ERMP1: variants seen among roughly 807,000 people sequenced by gnomAD.
ERMP1 encodes the protein endoplasmic reticulum metallopeptidase 1, also known as Felix-ina.
Under a neutral mutation model 92.0 loss-of-function variants are expected in ERMP1, and 86 were observed. That is an observed-to-expected ratio of 0.93 (90% CI 0.79 to 1.12). The LOEUF (loss-of-function observed/expected upper bound fraction) is 1.12, where lower values mean the gene tolerates loss of function less well. ERMP1 is among the 50% of genes most tolerant of loss of function. The pLI is 0.00. For missense variants in ERMP1, 1,342 were observed against 1,116.3 expected (o/e 1.20, Z -2.88); for synonymous variants, 530 against 412.8 (o/e 1.28, Z -3.44).
chr9:5,811,374 G>C (rs377390133), intron 6 of ERMP1, 51 bp from the exon 7 acceptor site: 1 of 1,401,498 alleles, frequency 7.1e-7, no homozygotes, highest in Non-Finnish European at 9.9e-7. Context: ...AGATAAAAAG[G>C]CTGAATAAAC....
At position 5,787,207 on chromosome 9, in the gene ERMP1, T is replaced by C. The variant is rs1389495497; in HGVS notation, c.2652A>G (p.Glu884=). The change falls in exon 15 of 15, where the codon GAA becomes GAG. Residue 884 remains glutamate (E), a synonymous_variant. Transcript: ENST00000339450. ...KRSPQLDALK[E]KFPDWTFPSA... Reference sequence around the variant, plus strand: ...AGGGAAATGTCCAATCTGGGAACTTTTCCTTCAGAGCATCCAGTTGAGGGG... The same window carrying C: ...AGGGAAATGTCCAATCTGGGAACTTCTCCTTCAGAGCATCCAGTTGAGGGG... 1.2e-6 allele frequency: 2 copies of C among 1,613,980 alleles called. No homozygotes were observed. Among genetic ancestry groups the C allele is most frequent in the African/African-American group, 1.3e-5 (1 of 74,906 alleles).
chr9:5,821,255 G>A (rs1248586048), intron 4 of ERMP1, among the ~76,000 whole-genome samples: 1 of 152,066 alleles, frequency 6.6e-6, no homozygotes, highest in African/African-American at 2.4e-5. Context: ...AATCAATTCT[G>A]GTCTTAAATT....
rs570635576 is a variant in ERMP1 at position 5,845,544 on chromosome 9, G to A, written n.3200-12232C>T. Among the ~76,000 whole-genome samples, 145 of 152,130 alleles carry A rather than the reference G, an allele frequency of 9.5e-4. 1 individual carries two copies. The Middle Eastern group carries it at 0.027, about 29-fold the overall frequency. On this transcript the variant is annotated intron_variant and non_coding_transcript_variant, in intron 6 of 6. Coordinates refer to the ERMP1 transcript ENST00000690753. ...TGATTGATTGATTGATTGATCGATC[G>A]ATAGATTATCTGGAGTTCTTCCAGC... is the stretch of plus-strand genomic sequence containing the variant.
chr9:5,853,574 G>T (rs72697335), intron 6 of ERMP1, among the ~76,000 whole-genome samples: 1 of 151,936 alleles, frequency 6.6e-6, no homozygotes, highest in Non-Finnish European at 1.5e-5. Flanking sequence ...ATGTGGTTTG[G>T]CCTGGAGAAA....
chr9:5,829,233 A>C (rs1829847232), intron 2 of ERMP1, among the ~76,000 whole-genome samples: 1 of 151,992 alleles, frequency 6.6e-6, no homozygotes, highest in Non-Finnish European at 1.5e-5. Flanking sequence ...AAAAAAAAAA[A>C]AAAAACACTA....
In ERMP1 at chr9:5,801,194, T is replaced by C. The variant is rs745305624; in HGVS notation, c.2049A>G (p.Pro683=). The C allele has an allele frequency of 1.2e-6, 2 of 1,612,470 alleles. No homozygotes were observed. Among genetic ancestry groups the C allele is most frequent in the Non-Finnish European group, 1.7e-6 (2 of 1,179,454 alleles). The change falls in exon 11 of 15, where the codon CCA becomes CCG. Residue 683 remains proline, a synonymous_variant. Coordinates refer to ENST00000339450, the MANE Select transcript of ERMP1 (RefSeq NM_024896.3). ...TGCTCACCTGAAGAAACACTCTCTT[T>C]GGCTTCGGATTAGCAGGATTGGAGC... ...PYSSNPANPK[P]KRVFLQHMTR... is the part of the protein sequence containing the mutation.
rs201555586 is a variant in ERMP1 at position 5,797,891 on chromosome 9, T to C, written c.2312A>G (p.Asn771Ser). The C allele has an allele frequency of 3.7e-6, 6 of 1,613,784 alleles. No individual in the cohort carries two copies. In the East Asian group the frequency reaches 1.1e-4, roughly 30 times the overall value. The part of the protein sequence containing the change: ...YLPAPEVSPR[N>S]PPHFRLISKE... ...GGATATGAGTCGGAAATGAGGAGGA[T>C]TTCTTGGAGAAACTTCTGGGGCAGG... Residue 771 changes from asparagine to serine, a missense_variant, in exon 13 of 15, where the codon AAT (asparagine) becomes AGT (serine). By Grantham distance (46) the Asn-to-Ser change is conservative. Coordinates refer to ENST00000339450, the MANE Select transcript of ERMP1 (RefSeq NM_024896.3).
chr9:5,804,613 T>G (rs978716867), intron 10 of ERMP1, among the ~76,000 whole-genome samples: 4 of 152,222 alleles, frequency 2.6e-5, no homozygotes, highest in Admixed American at 1.3e-4. Flanking sequence ...CTTCCTTCAC[T>G]AGCTCTAAAA....
intron 8 of ERMP1, among the ~76,000 whole-genome samples, chr9:5,807,767 A>C (rs974540079): frequency 1.2e-4 from 18 of 151,494 alleles, no homozygotes; most frequent in African/African-American, 4.4e-4. Flanking sequence ...CAAAAAAAAA[A>C]CGGAAACAAT....
At chr9:5,832,430 C>T in intron 1 of ERMP1, 1 of 434,226 alleles carries the variant, frequency 2.3e-6, no homozygotes, top group Non-Finnish European at 4.0e-6. Flanking sequence ...GAAGGGCAGA[C>T]AGTGGAAAGC....
chr9:5,842,147 A>G (rs545679007), intron 6 of ERMP1, among the ~76,000 whole-genome samples: 2 of 152,344 alleles, frequency 1.3e-5, no homozygotes, highest in African/African-American at 4.8e-5. Context: ...AGGGGACTGG[A>G]GCAGGTTGCA....
chr9:5,795,679 G>A (rs1037134914), intron 13 of ERMP1, among the ~76,000 whole-genome samples: 3 of 152,150 alleles, frequency 2.0e-5, no homozygotes, highest in Admixed American at 6.6e-5. Context: ...TTGGGAGGCT[G>A]AGGCGGGAGA....
In ERMP1 at chr9:5,805,609, A is replaced by C; in HGVS notation, c.1723+2T>G. The stretch of plus-strand genomic sequence containing the variant: ...TGTATATCAAAATCAAAAATACCCT[A>C]CCATGCTGCTTGAAGTCCTTATGCA... On this transcript the variant is annotated splice_donor_variant, in intron 9 of 14. Transcript: ENST00000339450. LOFTEE classifies it high-confidence loss of function. 6.4e-7 allele frequency: 1 copy of C among 1,570,770 alleles called. No homozygotes were observed. The highest frequency in any genetic ancestry group is 8.6e-7 in the Non-Finnish European group (1 of 1,165,646).
chr9:5,823,145 C>A (rs1305640831), intron 4 of ERMP1, among the ~76,000 whole-genome samples: 2 of 151,884 alleles, frequency 1.3e-5, no homozygotes, highest in East Asian at 3.9e-4. Context: ...AATAGCCAGG[C>A]GTGATAGCAA....
At chr9:5,790,782 C>T (rs183095332) in intron 13 of ERMP1, among the ~76,000 whole-genome samples, 1 of 152,164 alleles carries the variant, frequency 6.6e-6, no homozygotes, top group Admixed American at 6.5e-5. Flanking sequence ...CTACAGGAGG[C>T]GTATAGAAGA....
Position 5,804,074 on chromosome 9 carries a change from G to A in ERMP1, c.1914+953C>T, listed in dbSNP as rs528951254. 6.6e-5 allele frequency among the ~76,000 whole-genome samples: 10 copies of A among 152,168 alleles called. No homozygotes were observed. The East Asian group carries it at 1.5e-3, about 23-fold the overall frequency. On this transcript the variant is annotated intron_variant, in intron 10 of 14. Coordinates refer to ENST00000339450, the MANE Select transcript of ERMP1 (RefSeq NM_024896.3). ...AACTTCCACAAAGTAAAGGGGTAAC[G>A]AATGCCCTTTACTATATCAGTATGA...
At chr9:5,832,534 G>A (rs575811788) in intron 1 of ERMP1, 156 bp downstream of exon 1, 5 of 551,372 alleles carry the variant, frequency 9.1e-6, no homozygotes, top group South Asian at 3.0e-5. Flanking sequence ...CCAGAAGAAG[G>A]ACAAGCAAGG....
At chr9:5,795,258 A>G (rs184232088) in intron 13 of ERMP1, among the ~76,000 whole-genome samples, 1 of 152,312 alleles carries the variant, frequency 6.6e-6, no homozygotes, top group Non-Finnish European at 1.5e-5. Flanking sequence ...TCTCATAAAA[A>G]ACATCTACCA....
intron 6 of ERMP1, among the ~76,000 whole-genome samples, chr9:5,842,888 T>C (rs1354357775): frequency 6.6e-6 from 1 of 152,244 alleles, no homozygotes; most frequent in East Asian, 1.9e-4. Flanking sequence ...AATCGCTTAA[T>C]TCATAGCCTA....
Sources: allele counts gnomAD v4.1 joint callset (sites outside exome capture counted in the v4.1 genomes callset), GRCh38; gene constraint gnomAD v4.1.1; transcripts MANE v1.5; gene names NCBI Gene and HGNC (gene_info 2026-07-23, HGNC 2026-07-21).